The following CACNA1C variants were observed in gnomAD, a reference collection of about 807,000 sequenced individuals.
CACNA1C encodes the protein voltage-dependent L-type calcium channel subunit alpha-1C.
Under a neutral mutation model 229.0 loss-of-function variants are expected in CACNA1C, and 30 were observed. That is an observed-to-expected ratio of 0.13 (90% CI 0.10 to 0.18). CACNA1C has a LOEUF of 0.18. Among genes scored for constraint, CACNA1C ranks in the 10% least tolerant of loss-of-function variants. The pLI is 1.00. For missense variants in CACNA1C, 1,658 were observed against 2,845.0 expected (o/e 0.58, Z 9.49); for synonymous variants, 1,114 against 1,132.5 (o/e 0.98, Z 0.33).
chr12:2,255,299 G>A (rs911199644), intron 3 of CACNA1C, among the ~76,000 whole-genome samples: 3 of 152,016 alleles, frequency 2.0e-5, no homozygotes, highest in African/African-American at 7.3e-5. Flanking sequence ...TAGTTACTAG[G>A]AAAGCACCAT....
chr12:2,543,765 G>T (rs768023402), intron 9 of CACNA1C, among the ~76,000 whole-genome samples: 3 of 152,106 alleles, frequency 2.0e-5, no homozygotes, highest in Admixed American at 2.0e-4. Flanking sequence ...CTGCCAACTT[G>T]GCCCCCATGA....
intron 9 of CACNA1C, among the ~76,000 whole-genome samples, chr12:2,528,629 C>T (rs1219160671): frequency 6.6e-6 from 1 of 152,184 alleles, no homozygotes; most frequent in Non-Finnish European, 1.5e-5. Flanking sequence ...ACAAGTTTTG[C>T]AGCGGAGAAA....
chr12:2,351,374 A>G (rs1211155716), intron 3 of CACNA1C, among the ~76,000 whole-genome samples: 2 of 152,172 alleles, frequency 1.3e-5, no homozygotes, highest in African/African-American at 2.4e-5. Context: ...TCCGATGGCC[A>G]TTGGCTGAAG....
chr12:2,082,018 G>A (rs943614741), intron 1 of CACNA1C, among the ~76,000 whole-genome samples: 3 of 152,024 alleles, frequency 2.0e-5, no homozygotes, highest in African/African-American at 7.3e-5. Flanking sequence ...GCCATTTTGA[G>A]AGGTAAGAAA....
At chr12:2,548,248 A>G (rs2099885811) in intron 9 of CACNA1C, among the ~76,000 whole-genome samples, 1 of 152,174 alleles carries the variant, frequency 6.6e-6, no homozygotes, top group Non-Finnish European at 1.5e-5. Flanking sequence ...TTCAGACTAT[A>G]AAGTGAGTGT....
chr12:2,257,114 C>T (rs2078226962), intron 3 of CACNA1C, among the ~76,000 whole-genome samples: 1 of 152,136 alleles, frequency 6.6e-6, no homozygotes. Flanking sequence ...TGTTAACATC[C>T]AGCACTCAGA....
chr12:2,291,521 G>A lies in CACNA1C; in HGVS notation c.478-157455G>A, dbSNP rs147676687. On this transcript the variant is annotated intron_variant, in intron 3 of 46. Coordinates refer to ENST00000399655, the MANE Select transcript of CACNA1C (RefSeq NM_000719.7). Reference sequence around the variant, plus strand: ...TTAATTACTTCAAATTGAGATGTTTGTAAATAAGATGTTAGAGTCTGGAGC... The same window carrying A: ...TTAATTACTTCAAATTGAGATGTTTATAAATAAGATGTTAGAGTCTGGAGC... Among the ~76,000 whole-genome samples the A allele has an allele frequency of 3.2e-3, 495 of 152,322 alleles. 3 individuals are homozygous for A. Among genetic ancestry groups the A allele is most frequent in the African/African-American group, 0.011 (476 of 41,562 alleles).
intron 3 of CACNA1C, among the ~76,000 whole-genome samples, chr12:2,141,733 A>G (rs1305099014): frequency 1.3e-5 from 2 of 151,384 alleles, no homozygotes; most frequent in South Asian, 4.2e-4. Context: ...CTTTGGCCTC[A>G]GGGGAAAGGA....
intron 34 of CACNA1C, among the ~76,000 whole-genome samples, chr12:2,659,365 C>G (rs1211132539): frequency 6.6e-6 from 1 of 152,206 alleles, no homozygotes; most frequent in Non-Finnish European, 1.5e-5. Flanking sequence ...CAGTCACATG[C>G]TGTATAAGCT....
chr12:2,384,958 G>A (rs1050346987), intron 3 of CACNA1C, among the ~76,000 whole-genome samples: 9 of 152,210 alleles, frequency 5.9e-5, no homozygotes, highest in African/African-American at 2.2e-4. Context: ...AAGGGGCTGG[G>A]AGTGGTCAGC....
chr12:2,500,709 C>A (rs559156949), intron 7 of CACNA1C, among the ~76,000 whole-genome samples: 26 of 152,174 alleles, frequency 1.7e-4, no homozygotes, highest in Non-Finnish European at 2.9e-4. Flanking sequence ...GATCCCCTGA[C>A]GCACACGGGG....
chr12:2,017,542 A>G (rs2045597384), intron 1 of CACNA1C, among the ~76,000 whole-genome samples: 1 of 152,142 alleles, frequency 6.6e-6, no homozygotes, highest in African/African-American at 2.4e-5. Context: ...AGTTTTTCAC[A>G]GGGAGTGAGG....
At chr12:2,460,974 G>A (rs2099497307) in intron 5 of CACNA1C, among the ~76,000 whole-genome samples, 1 of 152,208 alleles carries the variant, frequency 6.6e-6, no homozygotes, top group South Asian at 2.1e-4. Flanking sequence ...CTACAAAGAT[G>A]TCAGCAGTAT....
chr12:2,378,965 A>T (rs1050680512), intron 3 of CACNA1C, among the ~76,000 whole-genome samples: 1 of 152,174 alleles, frequency 6.6e-6, no homozygotes, highest in African/African-American at 2.4e-5. Flanking sequence ...CGCATTTAGG[A>T]AACTACCTAG....
intron 34 of CACNA1C, among the ~76,000 whole-genome samples, chr12:2,663,735 CTTTTTTTTTT>C (rs55933898): frequency 2.9e-5 from 3 of 103,890 alleles, no homozygotes. Context: ...AATAGAGTAT[CTTTTTTTTTT>C]TTTTTTTTTT....
At position 2,053,575 on chromosome 12, in the gene CACNA1C, A is replaced by C. The variant is rs886049150; in HGVS notation, c.13A>C (p.Asn5His). Residue 5 changes from asparagine to histidine, a missense_variant, in exon 1 of 47, where the codon AAT becomes CAT. Coordinates refer to ENST00000399655, the MANE Select transcript of CACNA1C (RefSeq NM_000719.7). This position sits in a 1 kb window ranked among gnomAD's most constrained non-coding sequence, Gnocchi z 5.8. ...CCATTTTTGGTCCATGGTCAATGAGAATACGAGGATGTACATTCCAGAGGA... is the reference window on the plus strand; with the variant it reads ...CCATTTTTGGTCCATGGTCAATGAGCATACGAGGATGTACATTCCAGAGGA... MVNE[N>H]TRMYIPEENH... is the part of the protein sequence containing the mutation. The C allele has an allele frequency of 2.5e-6, 4 of 1,600,802 alleles. No individual in the cohort carries two copies. Among genetic ancestry groups the C allele is most frequent in the Non-Finnish European group, 3.4e-6 (4 of 1,173,758 alleles).
intron 1 of CACNA1C, among the ~76,000 whole-genome samples, chr12:2,104,619 T>C (rs976134847): frequency 6.6e-6 from 1 of 152,106 alleles, no homozygotes; most frequent in Non-Finnish European, 1.5e-5. Context: ...TGAATAGGAG[T>C]GGTGAGAGAG....
chr12:2,523,837 C>T (rs970481277), intron 9 of CACNA1C, among the ~76,000 whole-genome samples: 2 of 152,192 alleles, frequency 1.3e-5, no homozygotes, highest in Admixed American at 1.3e-4. Flanking sequence ...TCTCCAATAA[C>T]CAGTGCTCAG....
intron 24 of CACNA1C, 34 bp from the exon 25 acceptor site, chr12:2,606,577 G>A (rs886200776): frequency 3.2e-6 from 5 of 1,565,960 alleles, no homozygotes; most frequent in East Asian, 2.3e-5. Flanking sequence ...ATTGATTACT[G>A]AACATCTCTG....
Sources: allele counts gnomAD v4.1 joint callset (sites outside exome capture counted in the v4.1 genomes callset), GRCh38; gene constraint gnomAD v4.1.1; non-coding constraint Gnocchi (gnomAD v3.1); transcripts MANE v1.5; gene names NCBI Gene and HGNC (gene_info 2026-07-23, HGNC 2026-07-21).